The following TBCA variants were observed in gnomAD, a reference collection of about 807,000 sequenced individuals.
TBCA encodes tubulin folding cofactor A.
Under a neutral mutation model 15.8 loss-of-function variants are expected in TBCA, and 6 were observed. The observed-to-expected ratio is 0.38, with a 90% CI of 0.21 to 0.75. The LOEUF (loss-of-function observed/expected upper bound fraction) is 0.75, where lower values mean the gene tolerates loss of function less well. Among genes scored for constraint, TBCA ranks in the 30% least tolerant of loss-of-function variants. TBCA has a pLI of 0.46. For missense variants in TBCA, 90 were observed against 131.2 expected (o/e 0.69, Z 1.53); for synonymous variants, 32 against 42.3 (o/e 0.76, Z 0.94).
intron 1 of TBCA, among the ~76,000 whole-genome samples, chr5:77,711,469 A>G (rs1580100213): frequency 6.6e-6 from 1 of 152,320 alleles, no homozygotes; most frequent in East Asian, 1.9e-4. Context: ...AAGAGAGGAT[A>G]AGGTTGTATT....
At chr5:77,709,708 T>C (rs759119207) in intron 1 of TBCA, among the ~76,000 whole-genome samples, 2 of 152,118 alleles carry the variant, frequency 1.3e-5, no homozygotes, top group Admixed American at 6.6e-5. Flanking sequence ...TAAAAATATA[T>C]GCCCACAGAA....
intron 1 of TBCA, among the ~76,000 whole-genome samples, chr5:77,745,042 T>C (rs1452200445): frequency 6.6e-6 from 1 of 152,232 alleles, no homozygotes; most frequent in Non-Finnish European, 1.5e-5. Flanking sequence ...CATTACATAT[T>C]GTGAAAGTTA....
chr5:77,752,013 AG>A (rs1438391203), intron 1 of TBCA, among the ~76,000 whole-genome samples: 1 of 152,214 alleles, frequency 6.6e-6, no homozygotes, highest in Non-Finnish European at 1.5e-5. Flanking sequence ...GCTGGTTGCA[AG>A]AATAACCTCC....
intron 3 of TBCA, chr5:77,691,928 C>T: frequency 1.0e-6 from 1 of 988,770 alleles, no homozygotes; most frequent in Non-Finnish European, 1.2e-6. Context: ...AAGAAGGCTT[C>T]TGATGTCACA....
At chr5:77,691,696 T>G (rs1745752222) in intron 3 of TBCA, 198 bp from the exon 4 acceptor site, 1 of 1,322,242 alleles carries the variant, frequency 7.6e-7, no homozygotes, top group African/African-American at 1.5e-5. Flanking sequence ...AAGAAATAAC[T>G]GGTGGTTTTG....
intron 1 of TBCA, among the ~76,000 whole-genome samples, chr5:77,735,125 G>A (rs1010440181): frequency 6.6e-6 from 1 of 152,118 alleles, no homozygotes; most frequent in East Asian, 1.9e-4. Flanking sequence ...GTCTGGAACT[G>A]AACCAGCGAT....
Position 77,754,408 on chromosome 5 carries a change from C to A in TBCA, c.53+21797G>T, listed in dbSNP as rs184492413. Among the ~76,000 whole-genome samples the A allele has an allele frequency of 2.7e-3, 410 of 152,180 alleles. 1 individual carries two copies. The highest frequency in any genetic ancestry group is 0.014 in the Middle Eastern group (4 of 292). On this transcript the variant is annotated intron_variant, in intron 1 of 3. Coordinates refer to ENST00000380377, the MANE Select transcript of TBCA (RefSeq NM_004607.3). The stretch of plus-strand genomic sequence containing the variant: ...TTTTTTAGAATGTTTTCCTACAATG[C>A]GTTTTTTAAATTGAAAAATATCCAG...
intron 1 of TBCA, among the ~76,000 whole-genome samples, chr5:77,745,179 A>C (rs1200907627): frequency 6.6e-6 from 1 of 152,220 alleles, no homozygotes; most frequent in African/African-American, 2.4e-5. Flanking sequence ...AGAAAGAAAA[A>C]GCTGGGGGCA....
intron 1 of TBCA, among the ~76,000 whole-genome samples, chr5:77,740,344 G>A (rs1747003170): frequency 6.6e-6 from 1 of 152,172 alleles, no homozygotes; most frequent in Admixed American, 6.5e-5. Flanking sequence ...TAATGTAATA[G>A]AGACAGGCAA....
chr5:77,696,616 A>G (rs894761444), intron 2 of TBCA, among the ~76,000 whole-genome samples: 3 of 152,214 alleles, frequency 2.0e-5, no homozygotes, highest in African/African-American at 7.2e-5. Flanking sequence ...TATATAATGT[A>G]AACATTAATT....
At chr5:77,710,512 C>A (rs1435950840) in intron 1 of TBCA, among the ~76,000 whole-genome samples, 3 of 152,064 alleles carry the variant, frequency 2.0e-5, no homozygotes, top group Non-Finnish European at 4.4e-5. Context: ...TTTTATTTGA[C>A]TCACAATGTT....
intron 3 of TBCA, chr5:77,691,783 C>T: frequency 9.5e-7 from 1 of 1,053,372 alleles, no homozygotes; most frequent in Non-Finnish European, 1.1e-6. Context: ...ATAAAAACCT[C>T]AGAAAAAGTT....
intron 2 of TBCA, among the ~76,000 whole-genome samples, chr5:77,701,832 T>C (rs1746026650): frequency 6.6e-6 from 1 of 150,914 alleles, no homozygotes; most frequent in Non-Finnish European, 1.5e-5. Flanking sequence ...TATATATAGA[T>C]ATATGATGGA....
chr5:77,750,181 C>A (rs1747289775), intron 1 of TBCA, among the ~76,000 whole-genome samples: 1 of 150,902 alleles, frequency 6.6e-6, no homozygotes. Flanking sequence ...ATATATAGCA[C>A]AAATACATAT....
chr5:77,755,526 G>A (rs186419969), intron 1 of TBCA, among the ~76,000 whole-genome samples: 1,701 of 152,128 alleles, frequency 0.011, 13 homozygotes, highest in Non-Finnish European at 0.019. Flanking sequence ...AGTGAGCCAA[G>A]ATCATGACAC....
rs998651475 is a variant in TBCA, at chr5:77,692,724, C to A, written c.246+542G>T. On this transcript the variant is annotated intron_variant, in intron 3 of 3. Coordinates refer to ENST00000380377, the MANE Select transcript of TBCA (RefSeq NM_004607.3). ...GTATTTTAACAGTTATTATTTCCTG[C>A]TTTATCTACCTTCTGTATCACAAGG... The A allele has an allele frequency of 5.1e-6, 5 of 989,856 alleles. No homozygotes were observed. In the African/African-American group the frequency reaches 7.0e-5, roughly 14 times the overall value. 61.3% of individuals were successfully genotyped at this position (989,856 alleles called of 1,614,324 possible). A position where few individuals can be genotyped will look rare whatever the true frequency, so the allele number is the denominator to read the frequency against.
At chr5:77,762,399 T>C (rs1747664107) in intron 1 of TBCA, among the ~76,000 whole-genome samples, 1 of 152,214 alleles carries the variant, frequency 6.6e-6, no homozygotes, top group South Asian at 2.1e-4. Context: ...TATTTTCTTT[T>C]TTAAGAAAAT....
chr5:77,703,272 G>C (rs1746065867), intron 2 of TBCA, among the ~76,000 whole-genome samples: 1 of 146,004 alleles, frequency 6.8e-6, no homozygotes, highest in African/African-American at 2.5e-5. Flanking sequence ...TTGTGCCTCA[G>C]GAGAAATGAC....
In TBCA at chr5:77,772,257, C is replaced by A. The variant is rs1336449034; in HGVS notation, c.53+3948G>T. 2.0e-5 allele frequency among the ~76,000 whole-genome samples: 3 copies of A among 151,950 alleles called. No individual in the cohort carries two copies. In the South Asian group the frequency reaches 6.2e-4, roughly 32 times the overall value. On this transcript the variant is annotated intron_variant, in intron 1 of 3. Transcript: ENST00000380377. ...TTATGTACAGAAAAATATAATGAAGCCCCATGATCATTCAGCCCCAACAAT... is the reference window on the plus strand; with the variant it reads ...TTATGTACAGAAAAATATAATGAAGACCCATGATCATTCAGCCCCAACAAT...
Sources: allele counts gnomAD v4.1 joint callset (sites outside exome capture counted in the v4.1 genomes callset), GRCh38; gene constraint gnomAD v4.1.1; transcripts MANE v1.5; gene names NCBI Gene and HGNC (gene_info 2026-07-23, HGNC 2026-07-21).